SORCS3: variants seen among roughly 807,000 people sequenced by gnomAD.
SORCS3 encodes VPS10 domain-containing receptor SorCS3.
A neutral mutation model predicts 146.3 loss-of-function variants in SORCS3; 57 were observed. The ratio of observed to expected loss-of-function variants is 0.39; its 90% CI spans 0.31 to 0.49. The LOEUF (loss-of-function observed/expected upper bound fraction) is 0.49, where lower values mean the gene tolerates loss of function less well. Ranked by LOEUF, SORCS3 falls within the 20% of genes least tolerant of loss-of-function variation. SORCS3 has a pLI of 0.92. For synonymous variants in SORCS3, 653 were observed against 618.5 expected (o/e 1.06, Z -0.83); for missense variants, 1,341 against 1,575.5 (o/e 0.85, Z 2.52).
At chr10:104,739,065 A>G (rs910563930) in intron 1 of SORCS3, among the ~76,000 whole-genome samples, 1 of 152,160 alleles carries the variant, frequency 6.6e-6, no homozygotes, top group African/African-American at 2.4e-5. Flanking sequence ...GCCATTGGCT[A>G]TGGCTGGATC....
At chr10:104,850,955 G>T (rs1266171475) in intron 2 of SORCS3, among the ~76,000 whole-genome samples, 1 of 152,154 alleles carries the variant, frequency 6.6e-6, no homozygotes, top group Non-Finnish European at 1.5e-5. Flanking sequence ...CTGCTAACTT[G>T]CTGTTCACTG....
chr10:105,035,768 C>G (rs974547774), intron 4 of SORCS3, among the ~76,000 whole-genome samples: 1 of 152,118 alleles, frequency 6.6e-6, no homozygotes, highest in Non-Finnish European at 1.5e-5. Flanking sequence ...ACCCGGCCAT[C>G]AAGTGCTTAT....
At chr10:105,240,302 C>A (rs1173365458) in intron 20 of SORCS3, among the ~76,000 whole-genome samples, 1 of 152,116 alleles carries the variant, frequency 6.6e-6, no homozygotes, top group Non-Finnish European at 1.5e-5. Context: ...CTACTGAGAG[C>A]TGAAGAAGAT....
chr10:105,249,775 A>G (rs930651299), intron 22 of SORCS3, among the ~76,000 whole-genome samples: 6 of 152,166 alleles, frequency 3.9e-5, no homozygotes, highest in African/African-American at 1.4e-4. Flanking sequence ...AGTCCCAGCT[A>G]CTCAGGAGGC....
chr10:104,966,510 G>A (rs1400926106), intron 3 of SORCS3, among the ~76,000 whole-genome samples: 1 of 152,108 alleles, frequency 6.6e-6, no homozygotes, highest in Admixed American at 6.5e-5. Context: ...TATATTTAGA[G>A]AAAAGTCTGT....
At chr10:105,022,380 C>A (rs1233163785) in intron 4 of SORCS3, among the ~76,000 whole-genome samples, 1 of 151,146 alleles carries the variant, frequency 6.6e-6, no homozygotes, top group Non-Finnish European at 1.5e-5. Flanking sequence ...TCATTGCAAC[C>A]TCTGCCCCCT....
At chr10:104,943,944 G>A (rs1290173790) in intron 3 of SORCS3, among the ~76,000 whole-genome samples, 2 of 151,948 alleles carry the variant, frequency 1.3e-5, no homozygotes, top group African/African-American at 2.4e-5. Context: ...TTTGAGATGG[G>A]GTCTTGCTCT....
chr10:105,149,211 T>C (rs1435519728), intron 9 of SORCS3, among the ~76,000 whole-genome samples: 1 of 152,058 alleles, frequency 6.6e-6, no homozygotes, highest in African/African-American at 2.4e-5. Flanking sequence ...ACACTGAGAG[T>C]GGCAGAAATA....
At chr10:104,906,376 G>A (rs1035615209) in intron 2 of SORCS3, among the ~76,000 whole-genome samples, 1 of 152,120 alleles carries the variant, frequency 6.6e-6, no homozygotes, top group Non-Finnish European at 1.5e-5. Context: ...TGATATGGTG[G>A]GAATGAGATG....
At chr10:104,922,391 A>G (rs1018864284) in intron 3 of SORCS3, among the ~76,000 whole-genome samples, 2 of 152,182 alleles carry the variant, frequency 1.3e-5, no homozygotes, top group Admixed American at 6.5e-5. Flanking sequence ...GAAATGTGCA[A>G]TTCACCTGGG....
rs1589511680 is a variant in SORCS3, at chr10:104,820,246, T to C, written c.628-22546T>C. Among the ~76,000 whole-genome samples the C allele has an allele frequency of 2.6e-5, 4 of 152,322 alleles. No individual in the cohort carries two copies. In the South Asian group the frequency reaches 8.3e-4, roughly 32 times the overall value. On this transcript the variant is annotated intron_variant, in intron 1 of 26. Transcript: ENST00000369701. ...TTTGCTTGGTTACCTAATCTAAGTCTATTTCATCCTTGAATAAAATGGGAA... is the reference window on the plus strand; with the variant it reads ...TTTGCTTGGTTACCTAATCTAAGTCCATTTCATCCTTGAATAAAATGGGAA...
chr10:105,085,825 T>A (rs931213031), intron 5 of SORCS3, among the ~76,000 whole-genome samples: 1 of 152,162 alleles, frequency 6.6e-6, no homozygotes, highest in Admixed American at 6.5e-5. Flanking sequence ...TGTATGTGTG[T>A]GTGGGAGGGG....
In SORCS3 at chr10:105,147,799, A is replaced by G. The variant is rs2056142343; in HGVS notation, c.1482+3A>G. The G allele has an allele frequency of 6.2e-7, 1 of 1,607,406 alleles. No individual in the cohort carries two copies. The highest frequency in any genetic ancestry group is 1.1e-5 in the South Asian group (1 of 90,302). ...ACATCATTATTGAATTGTATGAGGT[A>G]TGTAGCCAAAATTCTCCTTCCCTTG... On this transcript the variant is annotated splice_donor_region_variant and intron_variant, in intron 9 of 26. Transcript: ENST00000369701.
chr10:104,924,906 T>TA (rs1564714543), intron 3 of SORCS3, among the ~76,000 whole-genome samples: 6 of 151,922 alleles, frequency 3.9e-5, no homozygotes, highest in South Asian at 2.1e-4. Flanking sequence ...TTTAATTTTT[T>TA]TAAAAAAATT....
In SORCS3 at chr10:104,703,078, T is replaced by A. The variant is rs371837136; in HGVS notation, c.627+61124T>A. Reference sequence around the variant, plus strand: ...CGATTGATTATACAAGAAGTTAGATTTTCCTGACCATTTTAAACAAATAGC... The same window carrying A: ...CGATTGATTATACAAGAAGTTAGATATTCCTGACCATTTTAAACAAATAGC... On this transcript the variant is annotated intron_variant, in intron 1 of 26. Coordinates refer to ENST00000369701, the MANE Select transcript of SORCS3 (RefSeq NM_014978.3). Among the ~76,000 whole-genome samples the A allele has an allele frequency of 2.2e-3, 336 of 152,318 alleles. 13 individuals carry two copies. The South Asian group carries it at 0.068, about 31-fold the overall frequency.
At chr10:104,668,388 G>A (rs1028482413) in intron 1 of SORCS3, among the ~76,000 whole-genome samples, 1 of 152,146 alleles carries the variant, frequency 6.6e-6, no homozygotes, top group Non-Finnish European at 1.5e-5. Flanking sequence ...GGAGTGAATA[G>A]TGAATTAATT....
chr10:105,145,455 G>A (rs2056124253), intron 8 of SORCS3, among the ~76,000 whole-genome samples: 1 of 151,986 alleles, frequency 6.6e-6, no homozygotes, highest in Non-Finnish European at 1.5e-5. Context: ...TCCTGACCAT[G>A]CCCTGGTGTT....
intron 7 of SORCS3, among the ~76,000 whole-genome samples, chr10:105,115,207 C>T (rs1012486244): frequency 6.6e-6 from 1 of 152,172 alleles, no homozygotes; most frequent in Non-Finnish European, 1.5e-5. Flanking sequence ...GTCACTTAAA[C>T]TCTCAGAGTA....
At chr10:105,263,084 C>T (rs2056971151) in intron 26 of SORCS3, among the ~76,000 whole-genome samples, 1 of 152,230 alleles carries the variant, frequency 6.6e-6, no homozygotes, top group Non-Finnish European at 1.5e-5. Context: ...TATAAGATAG[C>T]AGTCAATGTC....
Sources: gnomAD v4.1 joint callset for allele counts (sites outside exome capture counted in the v4.1 genomes callset) on GRCh38, gnomAD v4.1.1 for gene constraint, MANE v1.5 for transcripts, NCBI Gene and HGNC (gene_info 2026-07-23, HGNC 2026-07-21) for gene names.